Variants in POU2F2 observed in about 807,000 individuals in gnomAD.
POU2F2 encodes the protein POU domain, class 2, transcription factor 2.
POU2F2 carries 14 observed loss-of-function variants against 63.5 expected under a neutral mutation model. That is an observed-to-expected ratio of 0.22 (90% CI 0.15 to 0.34). The LOEUF (loss-of-function observed/expected upper bound fraction) is 0.34. POU2F2 is among the 10% of genes least tolerant of loss of function. The pLI is 1.00. For synonymous variants in POU2F2, 306 were observed against 348.6 expected (o/e 0.88, Z 1.36); for missense variants, 607 against 815.2 (o/e 0.74, Z 3.11).
chr19:42,108,809 C>T (rs1473689430), intron 5 of POU2F2, among the ~76,000 whole-genome samples: 1 of 152,156 alleles, frequency 6.6e-6, no homozygotes, highest in East Asian at 1.9e-4. Context: ...AGAAAAGACC[C>T]TGGCTGGCAT....
chr19:42,163,425 G>A (rs188365963), intron 1 of POU2F2, among the ~76,000 whole-genome samples: 2 of 152,282 alleles, frequency 1.3e-5, no homozygotes, highest in East Asian at 3.9e-4. Flanking sequence ...GATGGAGCAG[G>A]CGGTGAGTGG....
intron 4 of POU2F2, among the ~76,000 whole-genome samples, chr19:42,121,488 C>T (rs999691130): frequency 5.3e-5 from 8 of 152,062 alleles, no homozygotes; most frequent in African/African-American, 2.4e-5. Context: ...GGGAGCAGTT[C>T]CCAGCCTCCC....
intron 11 of POU2F2, among the ~76,000 whole-genome samples, chr19:42,094,787 G>A (rs924862223): frequency 6.6e-6 from 1 of 152,192 alleles, no homozygotes; most frequent in Non-Finnish European, 1.5e-5. Context: ...ACCGATGGGG[G>A]CAGGGGCTCC....
At position 42,096,041 on chromosome 19, in the gene POU2F2, G is replaced by T. The variant is rs983518158; in HGVS notation, c.729+41C>A. On this transcript the variant is annotated intron_variant, in intron 8 of 14. Transcript: ENST00000692977. The surrounding 1 kb of genome is among the most constrained non-coding windows in gnomAD (Gnocchi z 4.1). ...CTCGCGGCATCTATCAACTGGCCAC[G>T]CCCCCACGCCCACCGCCCAGCCTGC... The T allele has an allele frequency of 2.5e-6, 4 of 1,609,738 alleles. No homozygotes were observed. In the Admixed American group the frequency reaches 5.1e-5, roughly 20 times the overall value.
chr19:42,116,937 G>A (rs746328012), intron 5 of POU2F2: 2 of 566,444 alleles, frequency 3.5e-6, no homozygotes, highest in Admixed American at 4.5e-5. Flanking sequence ...GCTGCACGGC[G>A]GCGGCCAGGA....
At chr19:42,116,046 G>A (rs868687422) in intron 5 of POU2F2, among the ~76,000 whole-genome samples, 1 of 152,188 alleles carries the variant, frequency 6.6e-6, no homozygotes, top group Non-Finnish European at 1.5e-5. Context: ...TCCCTGGGAG[G>A]CTTCAGAGAG....
rs1158550432 is a variant in POU2F2 at position 42,095,320 on chromosome 19, C to T, written c.1163G>A (p.Ser388Asn). The change falls in exon 11 of 15, where the codon AGC (serine) becomes AAC (asparagine). Residue 388 changes from serine (S) to asparagine (N), a missense_variant. Ser to Asn is a conservative substitution (Grantham distance 46). Around this residue, in one of 7 missense-constraint regions of POU2F2, gnomAD observed 12 missense variants for 18.4 expected, o/e 0.65. Transcript: ENST00000692977. This position sits in a 1 kb window ranked among gnomAD's most constrained non-coding sequence, Gnocchi z 7.1. ...GCTGTAGCTGGCCGGCTTCCCTGGG[C>T]TGGGCAGCATGGGGGCCGCACTGCA... ...NPCSAAPMLPSPGKPASYSPH... is the reference protein window; with the variant it reads ...NPCSAAPMLPNPGKPASYSPH... The T allele has an allele frequency of 1.2e-6, 2 of 1,613,826 alleles. No individual in the cohort carries two copies. The highest frequency in any genetic ancestry group is 3.3e-5 in the Admixed American group (2 of 60,010).
chr19:42,113,824 G>T (rs545795334), intron 5 of POU2F2, among the ~76,000 whole-genome samples: 1 of 152,288 alleles, frequency 6.6e-6, no homozygotes, highest in African/African-American at 2.4e-5. Context: ...GTCATGAGAT[G>T]CGGCCCGGGA....
chr19:42,093,167 C>T (rs1281920224), intron 12 of POU2F2, among the ~76,000 whole-genome samples: 3 of 151,586 alleles, frequency 2.0e-5, no homozygotes, highest in Middle Eastern at 3.5e-3. Context: ...CACGCCACCA[C>T]GCCCAGCTAA....
At chr19:42,147,231 T>C (rs953004804) in intron 2 of POU2F2, among the ~76,000 whole-genome samples, 2 of 152,170 alleles carry the variant, frequency 1.3e-5, no homozygotes, top group Admixed American at 6.5e-5. Context: ...CCTCTTTGCC[T>C]ACCCTGCTCC....
chr19:42,178,414 G>A (rs772715109), upstream of POU2F2, among the ~76,000 whole-genome samples: 1 of 152,140 alleles, frequency 6.6e-6, no homozygotes, highest in Non-Finnish European at 1.5e-5. Context: ...AAAGCTACAC[G>A]CAAAGAGAGA....
upstream of POU2F2, among the ~76,000 whole-genome samples, chr19:42,135,987 A>G (rs2034003257): frequency 6.6e-6 from 1 of 152,090 alleles, no homozygotes; most frequent in South Asian, 2.1e-4. Context: ...CTGGGATTAC[A>G]GACATGACCT....
rs748252207 is a variant in POU2F2 at position 42,089,403 on chromosome 19, CCTGT to C, written c.*1850_*1853del. 3.8e-3 allele frequency: 580 copies of C among 152,534 alleles called. 1 individual carries two copies. The highest frequency in any genetic ancestry group is 6.2e-3 in the Non-Finnish European group (418 of 67,964). The allele number at this position is 152,534 out of a possible 1,614,324, so 9.4% of individuals were successfully genotyped here. A position where few individuals can be genotyped will look rare whatever the true frequency, so the allele number is the denominator to read the frequency against. On this transcript the variant is annotated 3_prime_UTR_variant, in exon 15 of 15. Coordinates refer to ENST00000692977, the MANE Select transcript of POU2F2 (RefSeq NM_001394376.1). ...TTTTTGCTTTCTTACTCCTTTTTTT[CCTGT>C]CTTTTTTTAAAGCTTTTTCAGTTGA...
At chr19:42,182,885 A>C (rs2034977761) in intron 1 of POU2F2, among the ~76,000 whole-genome samples, 1 of 152,104 alleles carries the variant, frequency 6.6e-6, no homozygotes, top group Non-Finnish European at 1.5e-5. Context: ...GACCAGGAGG[A>C]GGCTGGAGCA....
intron 1 of POU2F2, among the ~76,000 whole-genome samples, chr19:42,125,657 A>C (rs946262752): frequency 3.9e-5 from 6 of 152,172 alleles, no homozygotes; most frequent in African/African-American, 1.2e-4. Context: ...AGCATCCCTA[A>C]AACTGCAGCC....
chr19:42,091,659 T>C, intron 14 of POU2F2, 68 bp from the exon 15 acceptor site: 1 of 1,549,242 alleles, frequency 6.5e-7, no homozygotes, highest in African/African-American at 1.4e-5. Context: ...CCTTCCAGCA[T>C]CCTGCCCAGA....
rs2076829263 is a variant in POU2F2 at position 42,093,950 on chromosome 19, GA to G, written c.1198-56del. The G allele has an allele frequency of 1.1e-5, 16 of 1,512,626 alleles. No homozygotes were observed. The South Asian group carries it at 1.8e-4, about 17-fold the overall frequency. The allele number at this position is 1,512,626 out of a possible 1,614,324, so 93.7% of individuals were successfully genotyped here. A position where few individuals can be genotyped will look rare whatever the true frequency, so the allele number is the denominator to read the frequency against. ...GCCACTGTCTGCCAGCAGCCCCCGT[GA>G]TGCTCCCTGTAGGACCCCACTCCTC... On this transcript the variant is annotated intron_variant, in intron 11 of 14. Coordinates refer to ENST00000692977, the MANE Select transcript of POU2F2 (RefSeq NM_001394376.1).
chr19:42,197,317 T>C (rs761065415), upstream of POU2F2, among the ~76,000 whole-genome samples: 7 of 152,168 alleles, frequency 4.6e-5, no homozygotes, highest in Admixed American at 2.6e-4. Context: ...GGGGGCTAAA[T>C]AGATCTTGAG....
intron 1 of POU2F2, among the ~76,000 whole-genome samples, chr19:42,185,260 TC>T (rs2035000953): frequency 6.6e-6 from 1 of 152,088 alleles, no homozygotes; most frequent in Non-Finnish European, 1.5e-5. Context: ...AGTTCAGGCC[TC>T]CACATCTCCT....
Sources: allele counts gnomAD v4.1 joint callset (sites outside exome capture counted in the v4.1 genomes callset), GRCh38; gene constraint gnomAD v4.1.1; regional missense constraint gnomAD v4.1.1; non-coding constraint Gnocchi (gnomAD v3.1); transcripts MANE v1.5; gene names NCBI Gene and HGNC (gene_info 2026-07-23, HGNC 2026-07-21).